The following SLC43A1 variants were observed in gnomAD, a reference collection of about 807,000 sequenced individuals.
SLC43A1 encodes large neutral amino acids transporter small subunit 3.
In SLC43A1, 31 loss-of-function variants were observed where a neutral mutation model predicts 59.5. That is an observed-to-expected ratio of 0.52 (90% CI 0.39 to 0.70). The LOEUF (loss-of-function observed/expected upper bound fraction) is 0.70. SLC43A1 is among the 30% of genes least tolerant of loss of function. The pLI, the probability that SLC43A1 is intolerant of heterozygous loss-of-function variation, is 0.00. For synonymous variants in SLC43A1, 259 were observed against 290.9 expected (o/e 0.89, Z 1.12); for missense variants, 598 against 717.8 (o/e 0.83, Z 1.91).
intron 2 of SLC43A1, among the ~76,000 whole-genome samples, chr11:57,511,476 C>G (rs1414883306): frequency 6.6e-6 from 1 of 151,994 alleles, no homozygotes; most frequent in Non-Finnish European, 1.5e-5. Flanking sequence ...GGGTCTCACT[C>G]TGTGGCCCAG....
At chr11:57,506,241 G>C (rs1944392784) in intron 2 of SLC43A1, among the ~76,000 whole-genome samples, 1 of 152,232 alleles carries the variant, frequency 6.6e-6, no homozygotes, top group South Asian at 2.1e-4. Context: ...TGCAACTCCA[G>C]AGGCTGAGGT....
Position 57,515,010 on chromosome 11 carries a change from G to A in SLC43A1, c.-14+434C>T. 1.0e-6 allele frequency: 1 copy of A among 984,148 alleles called. No individual in the cohort carries two copies. The highest frequency in any genetic ancestry group is 1.2e-6 in the Non-Finnish European group (1 of 829,010). 61.0% of individuals were successfully genotyped at this position (984,148 alleles called of 1,614,324 possible). ...GGCGGGAGGAGAGGGAACGCGGGCGGCGCGGGGGCGGGGAGCGACAACTGG... is the reference window on the plus strand; with the variant it reads ...GGCGGGAGGAGAGGGAACGCGGGCGACGCGGGGGCGGGGAGCGACAACTGG... On this transcript the variant is annotated intron_variant, in intron 1 of 14. Transcript: ENST00000278426. This position sits in a 1 kb window ranked among gnomAD's most constrained non-coding sequence, Gnocchi z 5.3.
At position 57,489,926 on chromosome 11, in the gene SLC43A1, G is replaced by A. The variant is rs1943851456; in HGVS notation, c.1194-534C>T. On this transcript the variant is annotated intron_variant, in intron 11 of 14. Transcript: ENST00000278426. Reference sequence around the variant, plus strand: ...GGCACTGAGGCCAGCCCAGGAGAGAGGTCAGTAGGCTGGGGTGAGGACAGG... The same window carrying A: ...GGCACTGAGGCCAGCCCAGGAGAGAAGTCAGTAGGCTGGGGTGAGGACAGG... 2.6e-5 allele frequency among the ~76,000 whole-genome samples: 4 copies of A among 152,206 alleles called. No individual in the cohort carries two copies. In the South Asian group the frequency reaches 8.3e-4, roughly 31 times the overall value.
chr11:57,495,986 C>A, intron 7 of SLC43A1, 45 bp downstream of exon 7: 2 of 1,602,852 alleles, frequency 1.2e-6, no homozygotes, highest in Non-Finnish European at 1.7e-6. Context: ...ATCACCACAG[C>A]CCTCTCTGCC....
Position 57,491,783 on chromosome 11 carries a change from C to T in SLC43A1, c.951G>A (p.Arg317=). The T allele has an allele frequency of 6.2e-7, 1 of 1,614,242 alleles. No homozygotes were observed. Among genetic ancestry groups the T allele is most frequent in the Non-Finnish European group, 8.5e-7 (1 of 1,180,036 alleles). The change falls in exon 9 of 15, where the codon CGG becomes CGA. Residue 317 remains arginine (R), a synonymous_variant. Transcript: ENST00000278426. ...TCACAGCAGCCATGTAGAAGATGAT[C>T]CGCAGCTGGGTCATGCCCATGGTGA... ...SLLTMGMTQL[R]IIFYMAAVNK...
intron 2 of SLC43A1, among the ~76,000 whole-genome samples, chr11:57,512,390 G>A (rs1460725993): frequency 3.3e-5 from 5 of 152,066 alleles, no homozygotes; most frequent in Admixed American, 6.6e-5. Flanking sequence ...TCAGGTGTTC[G>A]AGACCAGCCT....
intron 11 of SLC43A1, 41 bp downstream of exon 11, chr11:57,491,183 C>T: frequency 1.3e-6 from 2 of 1,492,554 alleles, no homozygotes; most frequent in Admixed American, 2.3e-5. Context: ...AAAAGCACTG[C>T]CTGACCACTT....
Position 57,491,788 on chromosome 11 carries a change from G to C in SLC43A1, c.946C>G (p.Leu316Val). Residue 316 changes from leucine (L) to valine (V), a missense_variant, in exon 9 of 15, where the codon CTG becomes GTG. Transcript: ENST00000278426. ...GCAGCCATGTAGAAGATGATCCGCA[G>C]CTGGGTCATGCCCATGGTGAGGAGG... ...WSLLTMGMTQ[L>V]RIIFYMAAVN... 1.2e-6 allele frequency: 2 copies of C among 1,614,156 alleles called. 1 individual carries two copies. The highest frequency in any genetic ancestry group is 1.7e-6 in the Non-Finnish European group (2 of 1,179,974).
chr11:57,491,867 G>C lies in SLC43A1; in HGVS notation c.872-5C>G. 1 of 1,613,668 alleles carries C rather than the reference G, an allele frequency of 6.2e-7. No individual in the cohort carries two copies. The highest frequency in any genetic ancestry group is 8.5e-7 in the Non-Finnish European group (1 of 1,179,890). ...TCTTGCGTAAGGGGACAGACCCTGGGGAGACAGCAGGGGGCGCCCCTGAGC... is the reference window on the plus strand; with the variant it reads ...TCTTGCGTAAGGGGACAGACCCTGGCGAGACAGCAGGGGGCGCCCCTGAGC... On this transcript the variant is annotated splice_region_variant and splice_polypyrimidine_tract_variant and intron_variant, in intron 8 of 14. Transcript: ENST00000278426.
At chr11:57,513,327 G>A (rs1211667866) in intron 2 of SLC43A1, among the ~76,000 whole-genome samples, 5 of 152,236 alleles carry the variant, frequency 3.3e-5, no homozygotes, top group Non-Finnish European at 7.3e-5. Flanking sequence ...CCCATCAGAG[G>A]CAAGTCCTAG....
intron 5 of SLC43A1, among the ~76,000 whole-genome samples, chr11:57,498,472 G>A: frequency 6.6e-6 from 1 of 152,008 alleles, no homozygotes; most frequent in East Asian, 1.9e-4. Flanking sequence ...AGAAAAGAAA[G>A]AAACAGTGAT....
Position 57,487,100 on chromosome 11 carries a change from AG to A in SLC43A1, c.1527del (p.Phe510SerfsTer3). The A allele has an allele frequency of 6.2e-7, 1 of 1,613,940 alleles. No homozygotes were observed. Among genetic ancestry groups the A allele is most frequent in the Non-Finnish European group, 8.5e-7 (1 of 1,179,980 alleles). ...MAMVGPLKGE[P>X]FWVNLGLLLF... The stretch of plus-strand genomic sequence containing the variant: ...ACACCAACCCTCGCTCTCACCCAGA[AG>A]GGCTCTCCTTTCAGGGGTCCCACCA... On this transcript the variant is annotated frameshift_variant, in exon 14 of 15. Transcript: ENST00000278426. LOFTEE classifies it low-confidence loss of function (END_TRUNC).
chr11:57,488,998 A>C lies in SLC43A1; in HGVS notation c.1336-9T>G. 6.2e-7 allele frequency: 1 copy of C among 1,613,304 alleles called. No individual in the cohort carries two copies. The highest frequency in any genetic ancestry group is 8.5e-7 in the Non-Finnish European group (1 of 1,179,174). The stretch of plus-strand genomic sequence containing the variant: ...AGGACAAAGGTCACAAACTAAAACC[A>C]AAAAGAGAGAGTGAAGAGGTTAGGA... On this transcript the variant is annotated splice_polypyrimidine_tract_variant and intron_variant, in intron 12 of 14. Transcript: ENST00000278426.
At position 57,485,036 on chromosome 11, in the gene SLC43A1, A is replaced by C; in HGVS notation, c.*60T>G. 6.5e-7 allele frequency: 1 copy of C among 1,536,450 alleles called. No homozygotes were observed. Among genetic ancestry groups the C allele is most frequent in the South Asian group, 1.3e-5 (1 of 78,832 alleles). On this transcript the variant is annotated 3_prime_UTR_variant, in exon 15 of 15. Coordinates refer to ENST00000278426, the MANE Select transcript of SLC43A1 (RefSeq NM_003627.6). ...TACAGGTAGAAAAGCCATATGGGGCACTCCTTTTGGTTGCTCAGGCCTTGA... is the reference window on the plus strand; with the variant it reads ...TACAGGTAGAAAAGCCATATGGGGCCCTCCTTTTGGTTGCTCAGGCCTTGA...
Position 57,515,121 on chromosome 11 carries a change from C to G in SLC43A1, c.-14+323G>C. On this transcript the variant is annotated intron_variant, in intron 1 of 14. Coordinates refer to ENST00000278426, the MANE Select transcript of SLC43A1 (RefSeq NM_003627.6). This position sits in a 1 kb window ranked among gnomAD's most constrained non-coding sequence, Gnocchi z 5.3. Reference sequence around the variant, plus strand: ...GTACCAGTCACTTCTTCCAGGGGGACTCGGTATTCTCATCTGTGAAACGGG... The same window carrying G: ...GTACCAGTCACTTCTTCCAGGGGGAGTCGGTATTCTCATCTGTGAAACGGG... The G allele has an allele frequency of 2.1e-6, 2 of 966,206 alleles. No individual in the cohort carries two copies. Among genetic ancestry groups the G allele is most frequent in the South Asian group, 9.6e-5 (2 of 20,896 alleles). 59.9% of individuals were successfully genotyped at this position (966,206 alleles called of 1,614,324 possible).
chr11:57,508,271 A>AC (rs993539571), intron 2 of SLC43A1, among the ~76,000 whole-genome samples: 2 of 151,592 alleles, frequency 1.3e-5, no homozygotes, highest in Non-Finnish European at 2.9e-5. Context: ...CATCTCCAAA[A>AC]AAAAAAAAGA....
In SLC43A1 at chr11:57,501,324, T is replaced by G. The variant is rs1944262276; in HGVS notation, c.160A>C (p.Ser54Arg). The change falls in exon 3 of 15, where the codon AGC (serine) becomes CGC (arginine). Residue 54 changes from serine (S) to arginine (R), a missense_variant. Coordinates refer to ENST00000278426, the MANE Select transcript of SLC43A1 (RefSeq NM_003627.6). ...TCATCCTGGGTGGTGTTGGTGCTGC[T>G]CTCAGCTGAGGAGGGGGAAGGGAGG... is the stretch of plus-strand genomic sequence containing the variant. ...GFYSSTCPAE[S>R]STNTTQDEQR... The G allele has an allele frequency of 6.2e-7, 1 of 1,608,688 alleles. No homozygotes were observed. The highest frequency in any genetic ancestry group is 8.5e-7 in the Non-Finnish European group (1 of 1,179,880).
At chr11:57,486,123 A>G (rs1943719837) in intron 14 of SLC43A1, among the ~76,000 whole-genome samples, 1 of 152,242 alleles carries the variant, frequency 6.6e-6, no homozygotes, top group South Asian at 2.1e-4. Context: ...GATTGGACCA[A>G]TGGTGCCTGA....
Position 57,494,178 on chromosome 11 carries a change from G to A in SLC43A1, c.693-7C>T. The A allele has an allele frequency of 6.2e-7, 1 of 1,606,912 alleles. No individual in the cohort carries two copies. Among genetic ancestry groups the A allele is most frequent in the Non-Finnish European group, 8.5e-7 (1 of 1,177,460 alleles). On this transcript the variant is annotated splice_region_variant and splice_polypyrimidine_tract_variant and intron_variant, in intron 7 of 14. Coordinates refer to ENST00000278426, the MANE Select transcript of SLC43A1 (RefSeq NM_003627.6). ...ACTCAGCTTGATCTTCTTCCTGCAGGCAGCCAGGCCAGAGTGTAGAGGAAC... is the reference window on the plus strand; with the variant it reads ...ACTCAGCTTGATCTTCTTCCTGCAGACAGCCAGGCCAGAGTGTAGAGGAAC...
Sources: gnomAD v4.1 joint callset for allele counts (sites outside exome capture counted in the v4.1 genomes callset) on GRCh38, gnomAD v4.1.1 for gene constraint, Gnocchi (gnomAD v3.1) non-coding constraint, MANE v1.5 for transcripts, NCBI Gene and HGNC (gene_info 2026-07-23, HGNC 2026-07-21) for gene names.